Variants in CPSF3 observed in about 807,000 individuals in gnomAD.
CPSF3 encodes the protein cleavage and polyadenylation specificity factor subunit 3.
In CPSF3, 57 loss-of-function variants were observed where a neutral mutation model predicts 84.1. The observed-to-expected ratio is 0.68, with a 90% CI of 0.55 to 0.85. The LOEUF is 0.85. Among genes scored for constraint, CPSF3 ranks in the 40% least tolerant of loss-of-function variants. The pLI is 0.00. For missense variants in CPSF3, 522 were observed against 838.8 expected, an observed-to-expected ratio of 0.62 and a Z score of 4.66; for synonymous variants, 275 against 278.1, an observed-to-expected ratio of 0.99 and a Z score of 0.11.
chr2:9,452,094 C>T (rs1681352843), intron 11 of CPSF3, among the ~76,000 whole-genome samples: 1 of 151,856 alleles, frequency 6.6e-6, no homozygotes, highest in Non-Finnish European at 1.5e-5. Context: ...TTTGGGAGGC[C>T]GAGGTGGGCA....
rs139715462 is a variant in CPSF3, at chr2:9,425,583, G to T, written c.50+1760G>T. On this transcript the variant is annotated intron_variant, in intron 1 of 17. Coordinates refer to ENST00000238112, the MANE Select transcript of CPSF3 (RefSeq NM_016207.4). ...CTGATCAGCTGTATCTGGAAGGGTG[G>T]TTGTGGGGAGGGAAGGCAGGGCAGA... 1.1e-3 allele frequency among the ~76,000 whole-genome samples: 166 copies of T among 152,262 alleles called. 2 individuals carry two copies. The highest frequency in any genetic ancestry group is 3.8e-3 in the African/African-American group (156 of 41,552).
In CPSF3 at chr2:9,462,685, G is replaced by A. The variant is rs146886537; in HGVS notation, c.1786+3067G>A. 3.1e-3 allele frequency among the ~76,000 whole-genome samples: 476 copies of A among 152,218 alleles called. 3 individuals carry two copies. The highest frequency in any genetic ancestry group is 0.011 in the African/African-American group (436 of 41,524). On this transcript the variant is annotated intron_variant, in intron 15 of 17. Transcript: ENST00000238112. ...TCTTGATTATTTCTCTTAATGCTCCGGTCCAAAATGAAATGTACCTTTACT... is the reference window on the plus strand; with the variant it reads ...TCTTGATTATTTCTCTTAATGCTCCAGTCCAAAATGAAATGTACCTTTACT...
At chr2:9,441,677 C>A in intron 8 of CPSF3, 141 bp from the exon 9 acceptor site, 1 of 863,170 alleles carries the variant, frequency 1.2e-6, no homozygotes, top group Non-Finnish European at 1.7e-6. Context: ...GGCAACTGAA[C>A]TTAAAATGTT....
chr2:9,467,110 TTGATGCAC>T (rs1335408129), intron 15 of CPSF3, among the ~76,000 whole-genome samples: 3 of 152,206 alleles, frequency 2.0e-5, no homozygotes, highest in Non-Finnish European at 4.4e-5. Context: ...TTTGCTACTG[TTGATGCAC>T]TGAGTTGTTG....
intron 8 of CPSF3, 179 bp from the exon 9 acceptor site, chr2:9,441,639 A>C: frequency 1.1e-5 from 7 of 622,554 alleles, no homozygotes; most frequent in South Asian, 2.3e-5. Context: ...TTTTTCTACC[A>C]TTCCTAGCCT....
At chr2:9,466,691 A>T (rs2124871790) in intron 15 of CPSF3, among the ~76,000 whole-genome samples, 2 of 152,344 alleles carry the variant, frequency 1.3e-5, no homozygotes, top group Middle Eastern at 3.4e-3. Context: ...AACTCAAAGC[A>T]ACCACTAATC....
chr2:9,440,378 C>A, intron 7 of CPSF3, 113 bp from the exon 8 acceptor site: 1 of 877,780 alleles, frequency 1.1e-6, no homozygotes, highest in Non-Finnish European at 1.7e-6. Context: ...TAGTTGTGTG[C>A]TTTATTTCTT....
chr2:9,467,242 A>G (rs1370028999), intron 15 of CPSF3, among the ~76,000 whole-genome samples: 2 of 152,122 alleles, frequency 1.3e-5, no homozygotes, highest in African/African-American at 2.4e-5. Context: ...GTCATTTTAA[A>G]TATTAATTTT....
At chr2:9,465,542 T>TAC (rs59250489) in intron 15 of CPSF3, among the ~76,000 whole-genome samples, 2,219 of 149,836 alleles carry the variant, frequency 0.015, 32 homozygotes, top group African/African-American at 0.04. Context: ...CCCCATATCA[T>TAC]ACACACACAC....
In CPSF3 at chr2:9,473,095, T is replaced by G; in HGVS notation, c.*78T>G. 7.2e-6 allele frequency: 7 copies of G among 969,180 alleles called. No homozygotes were observed. The South Asian group carries it at 8.4e-5, about 12-fold the overall frequency. The allele number at this position is 969,180 out of a possible 1,614,324, so 60.0% of individuals were successfully genotyped here. A position where few individuals can be genotyped will look rare whatever the true frequency, so the allele number is the denominator to read the frequency against. ...CTAAAATAAAATGCATTCGTTTCTC[T>G]GGGGGAGCCTGTTTACTTTTAATGT... On this transcript the variant is annotated 3_prime_UTR_variant, in exon 18 of 18. Transcript: ENST00000238112.
At chr2:9,424,140 C>T (rs929112658) in intron 1 of CPSF3, 1 of 1,090,522 alleles carries the variant, frequency 9.2e-7, no homozygotes, top group East Asian at 6.6e-5. Context: ...AGCACAAGCA[C>T]GGATCTCTGC....
At chr2:9,469,444 G>A (rs147838035) in intron 16 of CPSF3, among the ~76,000 whole-genome samples, 1 of 152,136 alleles carries the variant, frequency 6.6e-6, no homozygotes, top group Non-Finnish European at 1.5e-5. Context: ...GGCTCTACAA[G>A]AATAGAAAAC....
chr2:9,440,588 A>C lies in CPSF3; in HGVS notation c.858A>C (p.Val286=). ...KKCMAVYQTY[V]NAMNDKIRKQ... is the part of the protein sequence containing the mutation. ...GTATGGCAGTGTACCAGACATATGT[A>C]AATGCCATGAATGACAAAATCCGCA... The change falls in exon 8 of 18, where the codon GTA becomes GTC. Residue 286 remains valine, a synonymous_variant. Coordinates refer to ENST00000238112, the MANE Select transcript of CPSF3 (RefSeq NM_016207.4). 1.2e-6 allele frequency: 2 copies of C among 1,614,192 alleles called. No individual in the cohort carries two copies. The highest frequency in any genetic ancestry group is 1.7e-6 in the Non-Finnish European group (2 of 1,180,008).
At chr2:9,455,596 T>C in intron 12 of CPSF3, 63 bp from the exon 13 acceptor site, 1 of 1,133,110 alleles carries the variant, frequency 8.8e-7, no homozygotes. Context: ...CTTTTTTCTT[T>C]GCTCCTGGTA....
intron 7 of CPSF3, among the ~76,000 whole-genome samples, chr2:9,437,444 C>G (rs749510179): frequency 3.3e-5 from 5 of 151,942 alleles, no homozygotes; most frequent in Admixed American, 3.3e-4. Flanking sequence ...ACTATATGTA[C>G]TCTGATCCTA....
chr2:9,446,431 AT>A (rs1681124505), intron 10 of CPSF3, among the ~76,000 whole-genome samples: 2 of 152,160 alleles, frequency 1.3e-5, no homozygotes, highest in South Asian at 4.2e-4. Context: ...ATACAAAAAA[AT>A]TAGACGGGTG....
intron 17 of CPSF3, 39 bp downstream of exon 17, chr2:9,471,478 G>C (rs764044679): frequency 8.2e-7 from 1 of 1,218,814 alleles, no homozygotes; most frequent in Non-Finnish European, 1.2e-6. Context: ...AGACATTTGG[G>C]AAATAAAGTG....
Position 9,456,861 on chromosome 2 carries a change from A to G in CPSF3, c.1604-72A>G, listed in dbSNP as rs111270177. The G allele has an allele frequency of 5.7e-4, 513 of 901,164 alleles. 3 individuals carry two copies. In the African/African-American group the frequency reaches 7.7e-3, roughly 13 times the overall value. 55.8% of individuals were successfully genotyped at this position (901,164 alleles called of 1,614,324 possible). A position where few individuals can be genotyped will look rare whatever the true frequency, so the allele number is the denominator to read the frequency against. ...TAGCTGCTTTATTTTAGCTGTCTCT[A>G]TAAACAAACGAATGGTCTCTGGAAG... On this transcript the variant is annotated intron_variant, in intron 13 of 17. Transcript: ENST00000238112.
At chr2:9,446,425 A>G (rs964817293) in intron 10 of CPSF3, among the ~76,000 whole-genome samples, 16 of 152,096 alleles carry the variant, frequency 1.1e-4, no homozygotes, top group African/African-American at 3.4e-4. Flanking sequence ...CTAAAAATAC[A>G]AAAAAATTAG....
Sources: gnomAD v4.1 joint callset for allele counts (sites outside exome capture counted in the v4.1 genomes callset) on GRCh38, gnomAD v4.1.1 for gene constraint, MANE v1.5 for transcripts, NCBI Gene and HGNC (gene_info 2026-07-23, HGNC 2026-07-21) for gene names.